ELMO1: variants seen among roughly 807,000 people sequenced by gnomAD.
ELMO1 encodes engulfment and cell motility 1, also known as engulfment and cell motility protein 1.
Under a neutral mutation model 98.9 loss-of-function variants are expected in ELMO1, and 26 were observed. That is an observed-to-expected ratio of 0.26 (90% CI 0.19 to 0.36). The LOEUF is 0.36. Ranked by LOEUF, ELMO1 falls within the 10% of genes least tolerant of loss-of-function variation. The probability of loss-of-function intolerance (pLI) is 1.00; values close to 1 mark genes in which losing one functional copy is unlikely to be tolerated. For synonymous variants in ELMO1, 346 were observed against 346.0 expected (o/e 1.00, Z 0.00); for missense variants, 627 against 935.2 (o/e 0.67, Z 4.30).
intron 2 of ELMO1, among the ~76,000 whole-genome samples, chr7:37,340,375 ATTTTTGTGTG>A (rs1348300551): frequency 1.3e-5 from 2 of 152,164 alleles, no homozygotes; most frequent in African/African-American, 2.4e-5. Context: ...TATCCTGGCA[ATTTTTGTGTG>A]TTTAAAATTG....
At chr7:36,874,032 G>A (rs1431812445) in intron 19 of ELMO1, among the ~76,000 whole-genome samples, 1 of 152,218 alleles carries the variant, frequency 6.6e-6, no homozygotes, top group Non-Finnish European at 1.5e-5. Context: ...CTGTGGCCTA[G>A]CAGATCAGCC....
chr7:37,336,691 A>G (rs577470095), intron 2 of ELMO1, among the ~76,000 whole-genome samples: 19 of 152,322 alleles, frequency 1.2e-4, no homozygotes, highest in African/African-American at 4.6e-4. Flanking sequence ...GAGAATGGGC[A>G]GCTTTGCCGA....
At chr7:36,952,791 G>GAAA (rs1026167299) in intron 16 of ELMO1, among the ~76,000 whole-genome samples, 1 of 150,010 alleles carries the variant, frequency 6.7e-6, no homozygotes. Flanking sequence ...AGCTGGGAAG[G>GAAA]AAAAAAAAAT....
At position 37,303,405 on chromosome 7, in the gene ELMO1, C is replaced by T. The variant is rs539904836; in HGVS notation, c.192+11445G>A. On this transcript the variant is annotated intron_variant, in intron 4 of 21. Transcript: ENST00000310758. ...ACACACAAACACACAAAAATATACA[C>T]AGTGTATATTTCAAAACTTTGCCCA... Among the ~76,000 whole-genome samples the T allele has an allele frequency of 3.9e-5, 6 of 152,238 alleles. No homozygotes were observed. The South Asian group carries it at 1.2e-3, about 32-fold the overall frequency.
intron 2 of ELMO1, among the ~76,000 whole-genome samples, chr7:37,329,061 G>A (rs1477794262): frequency 6.6e-6 from 1 of 152,208 alleles, no homozygotes; most frequent in South Asian, 2.1e-4. Context: ...GGGTACAGGG[G>A]AGCAAGCACA....
chr7:37,137,133 G>A (rs376514458), intron 13 of ELMO1, among the ~76,000 whole-genome samples: 70 of 152,212 alleles, frequency 4.6e-4, no homozygotes, highest in African/African-American at 1.6e-3. Flanking sequence ...TCTTATATCA[G>A]ACAAAACTAA....
At chr7:37,369,948 T>G (rs932171570) in intron 1 of ELMO1, among the ~76,000 whole-genome samples, 2 of 152,114 alleles carry the variant, frequency 1.3e-5, no homozygotes, top group African/African-American at 4.8e-5. Flanking sequence ...CAGGACTGGC[T>G]CTCTCTTTAA....
intron 13 of ELMO1, among the ~76,000 whole-genome samples, chr7:37,172,714 ACTACTCGATTT>A (rs1790252142): frequency 6.6e-6 from 1 of 152,234 alleles, no homozygotes; most frequent in Non-Finnish European, 1.5e-5. Context: ...ACTCAAGCCA[ACTACTCGATTT>A]CCAAGTAGTA....
intron 13 of ELMO1, among the ~76,000 whole-genome samples, chr7:37,143,711 AT>A (rs11407170): frequency 0.018 from 2,100 of 115,744 alleles, 58 homozygotes; most frequent in East Asian, 0.13. Context: ...CAGCCGGTCG[AT>A]TTTTTTTTTT....
intron 4 of ELMO1, among the ~76,000 whole-genome samples, chr7:37,298,264 G>T (rs1798151598): frequency 1.3e-5 from 2 of 148,532 alleles, no homozygotes; most frequent in African/African-American, 5.0e-5. Flanking sequence ...AAAGTAGGTG[G>T]ACAAGACTAG....
chr7:37,328,348 A>G (rs1311177883), intron 2 of ELMO1, among the ~76,000 whole-genome samples: 2 of 132,936 alleles, frequency 1.5e-5, no homozygotes, highest in Non-Finnish European at 3.1e-5. Flanking sequence ...ATGCCACTGC[A>G]CTCCAGCTCT....
At chr7:37,379,850 GC>G (rs1266507866) in intron 1 of ELMO1, among the ~76,000 whole-genome samples, 1 of 152,186 alleles carries the variant, frequency 6.6e-6, no homozygotes, top group Admixed American at 6.5e-5. Flanking sequence ...ATAAGGTACT[GC>G]AGACCTTAGG....
chr7:37,133,213 C>T lies in ELMO1; in HGVS notation c.1108G>A (p.Asp370Asn). The change falls in exon 14 of 22, where the codon GAC (aspartate) becomes AAC (asparagine). Residue 370 changes from aspartate (D) to asparagine (N), a missense_variant. Coordinates refer to ENST00000310758, the MANE Select transcript of ELMO1 (RefSeq NM_014800.11). The part of the protein sequence containing the change: ...GFINHVNPAM[D>N]FTQTPPGMLA... ...ATCCCAGGTGGAGTCTGCGTGAAGTCCATGGCAGGGTTGACATGATTCTGT... is the reference window on the plus strand; with the variant it reads ...ATCCCAGGTGGAGTCTGCGTGAAGTTCATGGCAGGGTTGACATGATTCTGT... 1 of 1,610,976 alleles carries T rather than the reference C, an allele frequency of 6.2e-7. No homozygotes were observed. The highest frequency in any genetic ancestry group is 1.1e-5 in the South Asian group (1 of 90,484).
chr7:37,032,921 G>T (rs1481607353), intron 15 of ELMO1, among the ~76,000 whole-genome samples: 3 of 152,182 alleles, frequency 2.0e-5, no homozygotes. Flanking sequence ...TCCAGGGGAA[G>T]AGTTGGCTTT....
intron 15 of ELMO1, among the ~76,000 whole-genome samples, chr7:37,052,407 A>G (rs866599398): frequency 9.2e-5 from 14 of 152,214 alleles, no homozygotes; most frequent in Non-Finnish European, 5.9e-5. Context: ...AATAAAAAAC[A>G]TTTAAAAATT....
chr7:37,000,459 T>A (rs533545815), intron 16 of ELMO1, among the ~76,000 whole-genome samples: 1 of 152,340 alleles, frequency 6.6e-6, no homozygotes, highest in East Asian at 1.9e-4. Flanking sequence ...GCTGATTGCC[T>A]CCAGCACTTA....
chr7:37,114,993 A>G (rs1213179253), intron 14 of ELMO1, among the ~76,000 whole-genome samples: 3 of 152,142 alleles, frequency 2.0e-5, no homozygotes, highest in Non-Finnish European at 4.4e-5. Context: ...AAAATCTGAT[A>G]ATGTAAATGA....
chr7:36,998,353 T>G (rs1792373763), intron 16 of ELMO1, among the ~76,000 whole-genome samples: 1 of 152,118 alleles, frequency 6.6e-6, no homozygotes, highest in Admixed American at 6.5e-5. Flanking sequence ...AAATATATAT[T>G]AATGCACTTT....
chr7:37,211,305 C>T (rs914666030), intron 13 of ELMO1, 81 bp downstream of exon 13: 38 of 1,599,508 alleles, frequency 2.4e-5, no homozygotes, highest in Non-Finnish European at 2.9e-5. Context: ...ACCACACGCT[C>T]GGAAGAGACA....
Sources: allele counts gnomAD v4.1 joint callset (sites outside exome capture counted in the v4.1 genomes callset), GRCh38; gene constraint gnomAD v4.1.1; transcripts MANE v1.5; gene names NCBI Gene and HGNC (gene_info 2026-07-23, HGNC 2026-07-21).